TMEFF1: variants seen among roughly 807,000 people sequenced by gnomAD.
The protein encoded by TMEFF1 is transmembrane protein with EGF like and two follistatin like domains 1, also known as tomoregulin-1.
Under a neutral mutation model 47.5 loss-of-function variants are expected in TMEFF1, and 20 were observed. The ratio of observed to expected loss-of-function variants is 0.42; its 90% confidence interval spans 0.30 to 0.61. The LOEUF is 0.61. Among genes scored for constraint, TMEFF1 ranks in the 20% least tolerant of loss-of-function variants. The pLI is 0.19. For missense variants in TMEFF1, 411 were observed against 471.1 expected (o/e 0.87, Z 1.18); for synonymous variants, 162 against 166.3 (o/e 0.97, Z 0.20).
At chr9:100,540,057 G>T (rs542787809) in intron 5 of TMEFF1, among the ~76,000 whole-genome samples, 1 of 152,270 alleles carries the variant, frequency 6.6e-6, no homozygotes, top group Admixed American at 6.5e-5. Flanking sequence ...ACAGAGTGCT[G>T]ATTGGTGCGT....
intron 4 of TMEFF1, 100 bp from the exon 5 acceptor site, chr9:100,516,575 C>T (rs1838077882): frequency 1.4e-6 from 2 of 1,433,876 alleles, no homozygotes; most frequent in South Asian, 2.9e-5. Context: ...AGCTCAGGTA[C>T]ATTTTCCTCA....
At chr9:100,510,300 A>G (rs944539842) in intron 3 of TMEFF1, among the ~76,000 whole-genome samples, 18 of 152,178 alleles carry the variant, frequency 1.2e-4, no homozygotes, top group Admixed American at 5.9e-4. Flanking sequence ...ACATGTTAAA[A>G]TCAACCAAAG....
At chr9:100,514,867 C>T (rs900692160) in intron 4 of TMEFF1, among the ~76,000 whole-genome samples, 11 of 151,914 alleles carry the variant, frequency 7.2e-5, no homozygotes, top group Middle Eastern at 3.4e-3. Context: ...TGGTGGTGGG[C>T]GCCTGTAATC....
chr9:100,511,583 T>C (rs1837968070), intron 3 of TMEFF1, among the ~76,000 whole-genome samples: 1 of 152,258 alleles, frequency 6.6e-6, no homozygotes. Flanking sequence ...CTAGAAATAC[T>C]ATTCTCTTTT....
intron 2 of TMEFF1, 39 bp downstream of exon 2, chr9:100,498,913 T>G: frequency 6.3e-7 from 1 of 1,585,710 alleles, no homozygotes; most frequent in Non-Finnish European, 8.6e-7. Flanking sequence ...TTTTATATTC[T>G]TCGTATTTTA....
rs760682507 is a variant in TMEFF1 at position 100,576,563 on chromosome 9, G to T, written c.1106G>T (p.Gly369Val). 6.2e-7 allele frequency: 1 copy of T among 1,613,052 alleles called. No individual in the cohort carries two copies. The highest frequency in any genetic ancestry group is 1.1e-5 in the South Asian group (1 of 90,990). ...GGACGTCGACAGAAGCAAAACCTAG[G>T]TCATTTTACTTCAGATACGTCATCC... ...NRGRRQKQNLGHFTSDTSSRM... is the reference protein window; with the variant it reads ...NRGRRQKQNLVHFTSDTSSRM... Residue 369 changes from glycine to valine, a missense_variant, in exon 10 of 10, where the codon GGT becomes GTT. Gly to Val is a moderately radical substitution (Grantham distance 109, BLOSUM62 -3). Transcript: ENST00000374879.
At chr9:100,500,681 T>G (rs1837740571) in intron 2 of TMEFF1, among the ~76,000 whole-genome samples, 1 of 152,248 alleles carries the variant, frequency 6.6e-6, no homozygotes, top group African/African-American at 2.4e-5. Context: ...CTAATGTCCA[T>G]ATCTAGGACA....
At chr9:100,497,058 C>T (rs771918329) in intron 1 of TMEFF1, among the ~76,000 whole-genome samples, 14 of 152,076 alleles carry the variant, frequency 9.2e-5, no homozygotes, top group Non-Finnish European at 1.8e-4. Flanking sequence ...AGACCTTGTC[C>T]AAGTTCCTAG....
intron 7 of TMEFF1, among the ~76,000 whole-genome samples, chr9:100,557,971 T>C (rs1838947276): frequency 6.6e-6 from 1 of 152,192 alleles, no homozygotes; most frequent in Non-Finnish European, 1.5e-5. Context: ...TGTCACAGGA[T>C]TCAAAGCCTT....
At chr9:100,494,206 CAAA>C (rs543991655) in intron 1 of TMEFF1, among the ~76,000 whole-genome samples, 4 of 54,244 alleles carry the variant, frequency 7.4e-5, no homozygotes, top group Admixed American at 1.9e-4. Context: ...GACCTTGTCT[CAAA>C]AAAAAAAAAA....
chr9:100,507,750 CT>C (rs1169265244), intron 2 of TMEFF1, among the ~76,000 whole-genome samples: 1 of 152,026 alleles, frequency 6.6e-6, no homozygotes, highest in Non-Finnish European at 1.5e-5. Flanking sequence ...TTCTTAATGA[CT>C]GCAATATTAA....
At chr9:100,500,343 T>C (rs1333473205) in intron 2 of TMEFF1, among the ~76,000 whole-genome samples, 1 of 152,200 alleles carries the variant, frequency 6.6e-6, no homozygotes, top group Admixed American at 6.5e-5. Context: ...TCTTAAAATT[T>C]TTTTTCTGCT....
chr9:100,501,595 C>T (rs1362067084), intron 2 of TMEFF1, among the ~76,000 whole-genome samples: 1 of 151,964 alleles, frequency 6.6e-6, no homozygotes, highest in Non-Finnish European at 1.5e-5. Context: ...TTCATTAACT[C>T]ATAAACTCTC....
At position 100,562,618 on chromosome 9, in the gene TMEFF1, GT is replaced by G. The variant is rs368162371; in HGVS notation, c.899+1109del. 9.7e-3 allele frequency among the ~76,000 whole-genome samples: 1,406 copies of G among 144,704 alleles called. 18 individuals are homozygous for G. The highest frequency in any genetic ancestry group is 0.032 in the African/African-American group (1,244 of 39,250). The allele number at this position is 144,704 out of a possible 152,430, so 94.9% of individuals were successfully genotyped here. On this transcript the variant is annotated intron_variant, in intron 8 of 9. Coordinates refer to ENST00000374879, the MANE Select transcript of TMEFF1 (RefSeq NM_003692.5). Reference sequence around the variant, plus strand: ...AGCTGTACGAATGGTAACAGGCCAGGTTTTTTTTTTTGTTTGTTTTGTTTTG... The same window carrying G: ...AGCTGTACGAATGGTAACAGGCCAGGTTTTTTTTTTGTTTGTTTTGTTTTG...
intron 1 of TMEFF1, among the ~76,000 whole-genome samples, chr9:100,475,450 CA>C (rs1428501111): frequency 6.6e-6 from 1 of 151,998 alleles, no homozygotes; most frequent in African/African-American, 2.4e-5. Context: ...GAATAAAAAC[CA>C]GTTGTATATT....
chr9:100,488,902 A>G (rs1837499611), intron 1 of TMEFF1, among the ~76,000 whole-genome samples: 2 of 152,102 alleles, frequency 1.3e-5, no homozygotes, highest in South Asian at 4.1e-4. Flanking sequence ...AATTATTTCT[A>G]TTTTTTATTG....
At chr9:100,521,757 G>A (rs531532044) in intron 5 of TMEFF1, among the ~76,000 whole-genome samples, 1 of 152,316 alleles carries the variant, frequency 6.6e-6, no homozygotes, top group East Asian at 1.9e-4. Flanking sequence ...ATACAGGTGA[G>A]TTATAAAAAT....
At chr9:100,554,895 C>A (rs1838887912) in intron 7 of TMEFF1, among the ~76,000 whole-genome samples, 1 of 152,010 alleles carries the variant, frequency 6.6e-6, no homozygotes, top group African/African-American at 2.4e-5. Context: ...AGTGGTTTAC[C>A]TTCCAGATAC....
intron 2 of TMEFF1, among the ~76,000 whole-genome samples, chr9:100,506,766 C>CAAAAAAAAA (rs58345253): frequency 2.3e-5 from 1 of 43,408 alleles, no homozygotes; most frequent in Non-Finnish European, 4.7e-5. Context: ...GACTCCATCT[C>CAAAAAAAAA]AAAAAAAAAA....
Sources: gnomAD v4.1 joint callset for allele counts (sites outside exome capture counted in the v4.1 genomes callset) on GRCh38, gnomAD v4.1.1 for gene constraint, MANE v1.5 for transcripts, NCBI Gene and HGNC (gene_info 2026-07-23, HGNC 2026-07-21) for gene names.